TRAK1: variants seen among roughly 807,000 people sequenced by gnomAD.
TRAK1 encodes trafficking kinesin-binding protein 1.
A neutral mutation model predicts 92.1 loss-of-function variants in TRAK1; 33 were observed. That is an observed-to-expected ratio of 0.36 (90% CI 0.27 to 0.48). TRAK1 has a LOEUF of 0.48. TRAK1 is among the 20% of genes least tolerant of loss of function. The pLI, the probability that TRAK1 is intolerant of heterozygous loss-of-function variation, is 0.99. For synonymous variants in TRAK1, 521 were observed against 517.3 expected, an observed-to-expected ratio of 1.01 and a Z score of -0.10; for missense variants, 1,123 against 1,257.9, an observed-to-expected ratio of 0.89 and a Z score of 1.62.
intron 2 of TRAK1, among the ~76,000 whole-genome samples, chr3:42,139,548 G>A (rs892205713): frequency 1.3e-5 from 2 of 152,240 alleles, no homozygotes; most frequent in African/African-American, 4.8e-5. Context: ...ACAGTGTCTA[G>A]TGAGCACTGC....
chr3:42,220,531 G>A (rs1256375910), intron 15 of TRAK1: 3 of 985,320 alleles, frequency 3.0e-6, no homozygotes, highest in African/African-American at 3.5e-5. Context: ...GCAGCCATAT[G>A]CCCCGTTGAG....
intron 3 of TRAK1, among the ~76,000 whole-genome samples, chr3:42,177,571 G>T (rs1703384518): frequency 6.6e-6 from 1 of 152,196 alleles, no homozygotes; most frequent in African/African-American, 2.4e-5. Context: ...AAATGGACAG[G>T]TGCTGCCTTC....
At chr3:42,099,897 T>C (rs142055239) in intron 1 of TRAK1, among the ~76,000 whole-genome samples, 66 of 152,280 alleles carry the variant, frequency 4.3e-4, no homozygotes, top group African/African-American at 1.5e-3. Context: ...CCAGTGTCTC[T>C]TCCTTTGCCT....
At chr3:42,100,171 A>G (rs1706539966) in intron 1 of TRAK1, among the ~76,000 whole-genome samples, 1 of 152,174 alleles carries the variant, frequency 6.6e-6, no homozygotes, top group African/African-American at 2.4e-5. Context: ...GCCAGCCACT[A>G]TGAAGGCAAC....
chr3:42,196,998 TCTCTCA>T (rs1279826401), intron 10 of TRAK1, among the ~76,000 whole-genome samples: 144 of 94,832 alleles, frequency 1.5e-3, no homozygotes, highest in Admixed American at 5.1e-3. Flanking sequence ...TCTCTCTCTC[TCTCTCA>T]CACACACACA....
In TRAK1 at chr3:42,194,840, G is replaced by C. The variant is rs1158177142; in HGVS notation, c.1012G>C (p.Glu338Gln). The C allele has an allele frequency of 6.2e-7, 1 of 1,613,788 alleles. No individual in the cohort carries two copies. The change falls in exon 10 of 16, where the codon GAG (glutamate) becomes CAG (glutamine). Residue 338 changes from glutamate to glutamine, a missense_variant. This residue lies in a region of TRAK1 where 686 missense variants were observed against 747.6 expected (regional missense o/e 0.92). Coordinates refer to ENST00000327628, the MANE Select transcript of TRAK1 (RefSeq NM_001042646.3). ...GGAGGACAAGTACGCAGAGTGCATG[G>C]AGATGCTGCATGAGGCGCAGGAGGA... Reference protein sequence around the residue: ...ELEDKYAECMEMLHEAQEELK... With the variant: ...ELEDKYAECMQMLHEAQEELK...
At chr3:42,212,520 T>C (rs1479213494) in intron 14 of TRAK1, 4 of 984,518 alleles carry the variant, frequency 4.1e-6, no homozygotes, top group Non-Finnish European at 3.6e-6. Context: ...ATTTGAAGCA[T>C]CATTCACTTG....
chr3:42,099,464 A>G (rs1266275085), intron 1 of TRAK1, among the ~76,000 whole-genome samples: 1 of 152,266 alleles, frequency 6.6e-6, no homozygotes, highest in East Asian at 1.9e-4. Context: ...TTTAAACCCT[A>G]GTTTGATTTT....
intron 1 of TRAK1, among the ~76,000 whole-genome samples, chr3:42,054,639 A>G (rs779179602): frequency 4.6e-5 from 7 of 152,172 alleles, no homozygotes; most frequent in African/African-American, 7.2e-5. Flanking sequence ...TTTTACCACC[A>G]TCGTACTTGT....
chr3:42,097,166 T>G (rs1026887356), intron 1 of TRAK1, among the ~76,000 whole-genome samples: 17 of 152,378 alleles, frequency 1.1e-4, no homozygotes, highest in Admixed American at 9.8e-4. Flanking sequence ...ATATTCTTTT[T>G]GCTGGCTGCC....
intron 1 of TRAK1, among the ~76,000 whole-genome samples, chr3:42,116,263 C>T (rs1409943898): frequency 6.6e-6 from 1 of 152,248 alleles, no homozygotes; most frequent in Non-Finnish European, 1.5e-5. Context: ...TCAGCTTGAA[C>T]ACAGTGTCCT....
At chr3:42,125,295 T>C in intron 1 of TRAK1, 125 bp from the exon 2 acceptor site, 1 of 809,346 alleles carries the variant, frequency 1.2e-6, no homozygotes, top group Non-Finnish European at 1.9e-6. Flanking sequence ...GATATAGCCT[T>C]GTCTAGCTTC....
At chr3:42,199,134 G>T in intron 10 of TRAK1, 43 bp from the exon 11 acceptor site, 1 of 1,609,410 alleles carries the variant, frequency 6.2e-7, no homozygotes, top group South Asian at 1.1e-5. Flanking sequence ...CAGAGCATTT[G>T]AATTGGCGCT....
At position 42,202,855 on chromosome 3, in the gene TRAK1, T is replaced by G. The variant is rs1707829354; in HGVS notation, c.1744+103T>G. ...GGGCACCTCTGTCACGCCTACTCCTTTTTCTTCCGCGACAGCCACCCGCGC... is the reference window on the plus strand; with the variant it reads ...GGGCACCTCTGTCACGCCTACTCCTGTTTCTTCCGCGACAGCCACCCGCGC... On this transcript the variant is annotated intron_variant, in intron 13 of 15. Transcript: ENST00000327628. This position sits in a 1 kb window ranked among gnomAD's most constrained non-coding sequence, Gnocchi z 6.1. 2 of 1,518,538 alleles carry G rather than the reference T, an allele frequency of 1.3e-6. No individual in the cohort carries two copies. Among genetic ancestry groups the G allele is most frequent in the Non-Finnish European group, 1.8e-6 (2 of 1,131,100 alleles). 94.1% of individuals were successfully genotyped at this position (1,518,538 alleles called of 1,614,324 possible). A position where few individuals can be genotyped will look rare whatever the true frequency, so the allele number is the denominator to read the frequency against.
At chr3:42,145,605 C>G (rs1699232224) in intron 2 of TRAK1, 1 of 152,474 alleles carries the variant, frequency 6.6e-6, no homozygotes, top group African/African-American at 2.4e-5. Flanking sequence ...TGCTGAAACT[C>G]AAAAACATGT....
At chr3:42,159,710 A>AT (rs1701021380) in intron 2 of TRAK1, among the ~76,000 whole-genome samples, 1 of 152,206 alleles carries the variant, frequency 6.6e-6, no homozygotes, top group African/African-American at 2.4e-5. Context: ...TAACGAGGTA[A>AT]TGGTCACTGC....
intron 1 of TRAK1, among the ~76,000 whole-genome samples, chr3:42,075,439 C>T (rs993577829): frequency 3.3e-5 from 5 of 151,306 alleles, no homozygotes; most frequent in Admixed American, 1.3e-4. Context: ...AAGAGTGCTG[C>T]GATGAAGATA....
At position 42,194,929 on chromosome 3, in the gene TRAK1, C is replaced by T. The variant is rs756293488; in HGVS notation, c.1101C>T (p.Gly367=). The T allele has an allele frequency of 4.3e-6, 7 of 1,613,724 alleles. No individual in the cohort carries two copies. Among genetic ancestry groups the T allele is most frequent in the South Asian group, 1.1e-5 (1 of 90,966 alleles). ...NTTSRRYHSL[G]LFPMDSLAAE... is the part of the protein sequence containing the mutation. ...CGTCTCGGCGCTACCACTCACTGGGCCTGTTTCCCATGGTGAGCTGTGCTT... is the reference window on the plus strand; with the variant it reads ...CGTCTCGGCGCTACCACTCACTGGGTCTGTTTCCCATGGTGAGCTGTGCTT... The change falls in exon 10 of 16, where the codon GGC becomes GGT. Residue 367 remains glycine (G), a synonymous_variant. Coordinates refer to ENST00000327628, the MANE Select transcript of TRAK1 (RefSeq NM_001042646.3).
At position 42,115,923 on chromosome 3, in the gene TRAK1, G is replaced by A. The variant is rs181798202; in HGVS notation, c.92-9497G>A. Reference sequence around the variant, plus strand: ...TCCCCCATGTCTCTGAACCTTGCAGGGCCACAGTTTCCCCTTCTGTCTTTT... The same window carrying A: ...TCCCCCATGTCTCTGAACCTTGCAGAGCCACAGTTTCCCCTTCTGTCTTTT... On this transcript the variant is annotated intron_variant, in intron 1 of 15. Transcript: ENST00000327628. 1.7e-3 allele frequency among the ~76,000 whole-genome samples: 253 copies of A among 152,238 alleles called. 4 individuals carry two copies. The highest frequency in any genetic ancestry group is 5.7e-3 in the African/African-American group (236 of 41,530).
Sources: gnomAD v4.1 joint callset for allele counts (sites outside exome capture counted in the v4.1 genomes callset) on GRCh38, gnomAD v4.1.1 for gene constraint, gnomAD v4.1.1 regional missense constraint, Gnocchi (gnomAD v3.1) non-coding constraint, MANE v1.5 for transcripts, NCBI Gene and HGNC (gene_info 2026-07-23, HGNC 2026-07-21) for gene names.